FHOD3: variants seen among roughly 807,000 people sequenced by gnomAD.
The protein encoded by FHOD3 is FH1/FH2 domain-containing protein 3.
FHOD3 carries 90 observed loss-of-function variants against 173.0 expected under a neutral mutation model. The observed-to-expected ratio is 0.52, with a 90% confidence interval of 0.44 to 0.62. FHOD3 has a LOEUF of 0.62. FHOD3 is among the 20% of genes least tolerant of loss of function. The pLI is 0.00. For missense variants in FHOD3, 1,945 were observed against 2,034.7 expected, an observed-to-expected ratio of 0.96 and a Z score of 0.85; for synonymous variants, 828 against 823.0, an observed-to-expected ratio of 1.01 and a Z score of -0.10.
At chr18:36,657,519 C>CAA (rs935294446) in intron 13 of FHOD3, among the ~76,000 whole-genome samples, 1 of 152,190 alleles carries the variant, frequency 6.6e-6, no homozygotes, top group Non-Finnish European at 1.5e-5. Flanking sequence ...AACATGAATA[C>CAA]ATGCACCTCT....
At chr18:36,530,508 A>G (rs2056738646) in intron 5 of FHOD3, among the ~76,000 whole-genome samples, 1 of 152,196 alleles carries the variant, frequency 6.6e-6, no homozygotes, top group Non-Finnish European at 1.5e-5. Context: ...AGTGAGTGTA[A>G]TGATGTGAGA....
At chr18:36,675,963 A>G (rs1457965863) in intron 14 of FHOD3, among the ~76,000 whole-genome samples, 5 of 152,334 alleles carry the variant, frequency 3.3e-5, no homozygotes, top group African/African-American at 9.6e-5. Context: ...TTGGGGTTTC[A>G]AAGATATTTG....
chr18:36,645,473 G>T (rs1252248425), intron 10 of FHOD3, among the ~76,000 whole-genome samples: 3 of 152,048 alleles, frequency 2.0e-5, no homozygotes, highest in Non-Finnish European at 4.4e-5. Context: ...TGTGGCTTCT[G>T]CCATGACAGG....
rs1406892052 is a variant in FHOD3 at position 36,718,352 on chromosome 18, C to T, written c.3054C>T (p.Ala1018=). Residue 1018 remains alanine (A), a synonymous_variant, in exon 19 of 29, where the codon GCC becomes GCT. Coordinates refer to ENST00000590592, the MANE Select transcript of FHOD3 (RefSeq NM_001281740.3). ...ATGTGGACCTGGGTCACAGGGAGGC[C>T]CCTGGGCCACCTCCCCCACCCCCAC... ...VLDVDLGHRE[A]PGPPPPPPPT... 1 of 1,611,542 alleles carries T rather than the reference C, an allele frequency of 6.2e-7. No individual in the cohort carries two copies. Among genetic ancestry groups the T allele is most frequent in the Admixed American group, 1.7e-5 (1 of 59,910 alleles).
At chr18:36,687,366 T>C (rs1423665338) in intron 16 of FHOD3, among the ~76,000 whole-genome samples, 188 bp downstream of exon 16, 1 of 152,224 alleles carries the variant, frequency 6.6e-6, no homozygotes, top group Non-Finnish European at 1.5e-5. Context: ...TGTCATTTGG[T>C]GCCATCATGG....
intron 3 of FHOD3, among the ~76,000 whole-genome samples, chr18:36,390,419 G>A (rs1187724834): frequency 1.3e-5 from 2 of 152,160 alleles, no homozygotes; most frequent in Admixed American, 6.5e-5. Context: ...GACTCTGTTT[G>A]GGGTGTGCAG....
chr18:36,555,019 T>C (rs987273751), intron 5 of FHOD3, among the ~76,000 whole-genome samples: 2 of 152,196 alleles, frequency 1.3e-5, no homozygotes, highest in Admixed American at 1.3e-4. Context: ...TGATTTTCTT[T>C]GTTTCCTTTT....
At position 36,743,958 on chromosome 18, in the gene FHOD3, T is replaced by C. The variant is rs574155283; in HGVS notation, c.3880-74T>C. The C allele has an allele frequency of 1.3e-4, 197 of 1,536,296 alleles. No individual in the cohort carries two copies. The Admixed American group carries it at 3.4e-3, about 27-fold the overall frequency. On this transcript the variant is annotated intron_variant, in intron 22 of 28. Transcript: ENST00000590592. ...AATGTTGGGTGACTGCAGCCAAGAA[T>C]TGATCCTAACCATCCTGTGCTATTC... is the stretch of plus-strand genomic sequence containing the variant.
chr18:36,475,760 A>G (rs1387407628), intron 3 of FHOD3, among the ~76,000 whole-genome samples: 1 of 30,988 alleles, frequency 3.2e-5, no homozygotes, highest in East Asian at 1.4e-3. Flanking sequence ...ATACACACAC[A>G]CACACACACA....
chr18:36,602,318 A>G (rs140116351), intron 7 of FHOD3, among the ~76,000 whole-genome samples: 11 of 152,268 alleles, frequency 7.2e-5, no homozygotes, highest in African/African-American at 2.6e-4. Flanking sequence ...ATATTCTTAG[A>G]GTACTTACCA....
intron 3 of FHOD3, among the ~76,000 whole-genome samples, chr18:36,477,617 ATATC>A (rs1412657498): frequency 6.7e-6 from 1 of 150,040 alleles, no homozygotes; most frequent in African/African-American, 2.5e-5. Context: ...CTATCTATCT[ATATC>A]TATTTATCAT....
rs759341766 is a variant in FHOD3, at chr18:36,755,276, G to A, written c.4390G>A (p.Glu1464Lys). ...QQKQKRANHR[E>K]RNKTRGKMIT... is the part of the protein sequence containing the mutation. The stretch of plus-strand genomic sequence containing the variant: ...GAAACAGAAACGGGCCAACCACAGA[G>A]AGAGAAATAAGACCAGAGGGAAGAT... The change falls in exon 25 of 29, where the codon GAG (glutamate) becomes AAG (lysine). Residue 1464 changes from glutamate to lysine, a missense_variant. Glu to Lys is a moderately conservative substitution (Grantham distance 56). Transcript: ENST00000590592. 1 of 1,609,630 alleles carries A rather than the reference G, an allele frequency of 6.2e-7. No individual in the cohort carries two copies. The highest frequency in any genetic ancestry group is 8.5e-7 in the Non-Finnish European group (1 of 1,177,754).
intron 3 of FHOD3, among the ~76,000 whole-genome samples, chr18:36,475,751 T>TAC (rs58982535): frequency 0.042 from 6,015 of 142,952 alleles, 141 homozygotes; most frequent in African/African-American, 0.046. Context: ...TATAGAAACA[T>TAC]ACACACACAC....
chr18:36,445,568 C>T (rs1030998957), intron 3 of FHOD3, among the ~76,000 whole-genome samples: 7 of 152,176 alleles, frequency 4.6e-5, no homozygotes, highest in Non-Finnish European at 1.0e-4. Context: ...TATTTCCCTT[C>T]TCTACTCCCT....
At chr18:36,528,698 G>A (rs2146785053) in intron 5 of FHOD3, among the ~76,000 whole-genome samples, 1 of 152,334 alleles carries the variant, frequency 6.6e-6, no homozygotes, top group South Asian at 2.1e-4. Flanking sequence ...CACACGCACA[G>A]CAAAATGCCA....
At chr18:36,769,187 C>G in intron 27 of FHOD3, 78 bp from the exon 28 acceptor site, 1 of 1,521,130 alleles carries the variant, frequency 6.6e-7, no homozygotes, top group Non-Finnish European at 9.0e-7. Context: ...AACTCAACTG[C>G]TTGGAGGAAT....
chr18:36,403,139 C>G (rs1283392944), intron 3 of FHOD3, among the ~76,000 whole-genome samples: 1 of 152,152 alleles, frequency 6.6e-6, no homozygotes, highest in Non-Finnish European at 1.5e-5. Context: ...CAGGCCCCAG[C>G]CCAGCCAGGA....
At chr18:36,763,011 A>T (rs998156048) in intron 27 of FHOD3, among the ~76,000 whole-genome samples, 21 of 147,806 alleles carry the variant, frequency 1.4e-4, no homozygotes, top group Non-Finnish European at 2.4e-4. Context: ...TACGTTATAT[A>T]TGCGTATTAT....
chr18:36,388,031 A>G (rs1389148201), intron 3 of FHOD3, among the ~76,000 whole-genome samples: 1 of 152,140 alleles, frequency 6.6e-6, no homozygotes, highest in African/African-American at 2.4e-5. Flanking sequence ...GACATAGTTT[A>G]TTTAAAAATT....
Sources: allele counts gnomAD v4.1 joint callset (sites outside exome capture counted in the v4.1 genomes callset), GRCh38; gene constraint gnomAD v4.1.1; transcripts MANE v1.5; gene names NCBI Gene and HGNC (gene_info 2026-07-23, HGNC 2026-07-21).